The following CNTNAP4 variants were observed in gnomAD, a reference collection of about 807,000 sequenced individuals.
The protein encoded by CNTNAP4 is contactin associated protein family member 4.
In CNTNAP4, 98 loss-of-function variants were observed where a neutral mutation model predicts 148.4. The ratio of observed to expected loss-of-function variants is 0.66; its 90% CI spans 0.56 to 0.78. CNTNAP4 has a LOEUF of 0.78. CNTNAP4 is among the 30% of genes least tolerant of loss of function. The pLI, the probability that CNTNAP4 is intolerant of heterozygous loss-of-function variation, is 0.00. For synonymous variants in CNTNAP4, 730 were observed against 565.1 expected (o/e 1.29, Z -4.14); for missense variants, 1,935 against 1,565.6 (o/e 1.24, Z -3.98).
chr16:76,280,396 G>T (rs1958641877), intron 1 of CNTNAP4, among the ~76,000 whole-genome samples: 1 of 152,080 alleles, frequency 6.6e-6, no homozygotes. Flanking sequence ...GTGCTCATTT[G>T]TATATAGGTA....
intron 21 of CNTNAP4, among the ~76,000 whole-genome samples, chr16:76,544,823 C>A (rs2084637790): frequency 1.3e-5 from 2 of 152,068 alleles, no homozygotes. Context: ...TTTTTTGGGG[C>A]TGCAGAGCCA....
At chr16:76,527,996 T>C (rs955280599) in intron 17 of CNTNAP4, among the ~76,000 whole-genome samples, 6 of 152,178 alleles carry the variant, frequency 3.9e-5, no homozygotes, top group African/African-American at 1.4e-4. Flanking sequence ...TTGTTAAAAA[T>C]GTACCTTCTT....
intron 2 of CNTNAP4, among the ~76,000 whole-genome samples, chr16:76,341,723 T>G (rs1964484051): frequency 6.6e-6 from 1 of 152,052 alleles, no homozygotes. Flanking sequence ...AAAAATAGAT[T>G]TAGTCTTCAG....
chr16:76,525,700 A>C (rs2083698100), intron 17 of CNTNAP4, among the ~76,000 whole-genome samples: 2 of 145,256 alleles, frequency 1.4e-5, no homozygotes, highest in Admixed American at 7.0e-5. Context: ...ATAAACTAAT[A>C]TATATAAACT....
chr16:76,427,690 C>T (rs577075098), intron 4 of CNTNAP4, 91 bp downstream of exon 4: 26 of 1,237,062 alleles, frequency 2.1e-5, no homozygotes, highest in East Asian at 1.3e-4. Context: ...TTTTTAGCTA[C>T]ATAAAGAGGT....
chr16:76,458,315 G>A (rs2080812396), intron 8 of CNTNAP4, among the ~76,000 whole-genome samples: 1 of 152,074 alleles, frequency 6.6e-6, no homozygotes, highest in African/African-American at 2.4e-5. Flanking sequence ...ACCAGGGACT[G>A]TTTTCATGAA....
At chr16:76,341,982 G>C (rs1207977267) in intron 2 of CNTNAP4, among the ~76,000 whole-genome samples, 3 of 152,210 alleles carry the variant, frequency 2.0e-5, no homozygotes, top group Non-Finnish European at 1.5e-5. Flanking sequence ...TTCTGATCTA[G>C]ATGTTTTTGC....
intron 3 of CNTNAP4, among the ~76,000 whole-genome samples, chr16:76,374,194 G>A (rs1431589235): frequency 6.6e-6 from 1 of 152,118 alleles, no homozygotes; most frequent in Non-Finnish European, 1.5e-5. Context: ...AAAAATTGCT[G>A]GAGCAGTGAA....
chr16:76,552,386 C>T (rs917631191), intron 21 of CNTNAP4, among the ~76,000 whole-genome samples: 1 of 152,070 alleles, frequency 6.6e-6, no homozygotes, highest in Non-Finnish European at 1.5e-5. Context: ...TGGATGGATG[C>T]ATTGTATTTT....
intron 3 of CNTNAP4, among the ~76,000 whole-genome samples, chr16:76,394,136 T>C (rs2078118570): frequency 6.6e-6 from 1 of 152,180 alleles, no homozygotes; most frequent in African/African-American, 2.4e-5. Flanking sequence ...ATGTGTATCT[T>C]TAAAAATTCA....
chr16:76,330,805 A>G (rs1191088167), intron 2 of CNTNAP4, among the ~76,000 whole-genome samples: 3 of 152,246 alleles, frequency 2.0e-5, no homozygotes, highest in African/African-American at 7.2e-5. Flanking sequence ...AGTGAAAAAC[A>G]GTAAGAAATA....
rs757651754 is a variant in CNTNAP4 at position 76,540,720 on chromosome 16, G to C, written c.3372G>C (p.Arg1124Ser). 1.3e-6 allele frequency: 2 copies of C among 1,570,686 alleles called. No homozygotes were observed. Among genetic ancestry groups the C allele is most frequent in the African/African-American group, 2.7e-5 (2 of 74,090 alleles). The change falls in exon 21 of 24, where the codon AGG (arginine) becomes AGC (serine). Residue 1124 changes from arginine (R) to serine (S), a missense_variant. Coordinates refer to ENST00000611870, the MANE Select transcript of CNTNAP4 (RefSeq NM_033401.5). The stretch of plus-strand genomic sequence containing the variant: ...TTTTGTAGATTGACGATAATAGAAG[G>C]AGACAAGTTCACCTGTCATCAGGCA... ...VVFIEIDDNR[R>S]RQVHLSSGTE...
chr16:76,317,744 G>C (rs1175078318), intron 2 of CNTNAP4, among the ~76,000 whole-genome samples: 2 of 151,806 alleles, frequency 1.3e-5, no homozygotes, highest in Non-Finnish European at 1.5e-5. Context: ...TGTGTATTTT[G>C]CCATCTGGTA....
intron 3 of CNTNAP4, among the ~76,000 whole-genome samples, chr16:76,411,228 A>G (rs1266261085): frequency 6.6e-6 from 1 of 151,422 alleles, no homozygotes; most frequent in African/African-American, 2.4e-5. Flanking sequence ...CTGCTTAGAA[A>G]TGTTGGTTGA....
intron 11 of CNTNAP4, 116 bp from the exon 12 acceptor site, chr16:76,479,303 C>T: frequency 1.2e-6 from 1 of 823,816 alleles, no homozygotes; most frequent in Non-Finnish European, 1.7e-6. Context: ...TTTGCCTTTT[C>T]TCCTGGTCAG....
At chr16:76,337,086 A>C (rs1451799972) in intron 2 of CNTNAP4, among the ~76,000 whole-genome samples, 1 of 152,240 alleles carries the variant, frequency 6.6e-6, no homozygotes, top group African/African-American at 2.4e-5. Context: ...CATGAATATT[A>C]GTAGTGATCT....
chr16:76,391,948 C>T (rs750534719), intron 3 of CNTNAP4, among the ~76,000 whole-genome samples: 28 of 152,102 alleles, frequency 1.8e-4, no homozygotes, highest in African/African-American at 6.3e-4. Flanking sequence ...ATAAATAATA[C>T]GATGTATCAA....
chr16:76,442,933 A>C (rs1335548578), intron 4 of CNTNAP4, among the ~76,000 whole-genome samples: 2 of 152,132 alleles, frequency 1.3e-5, no homozygotes, highest in African/African-American at 4.8e-5. Context: ...TGCCTTAACT[A>C]CTATGCCAAC....
intron 15 of CNTNAP4, among the ~76,000 whole-genome samples, chr16:76,515,630 C>G (rs932019463): frequency 6.6e-6 from 1 of 152,104 alleles, no homozygotes; most frequent in African/African-American, 2.4e-5. Context: ...TTATGGCAGC[C>G]TGGGCAGACT....
Sources: gnomAD v4.1 joint callset for allele counts (sites outside exome capture counted in the v4.1 genomes callset) on GRCh38, gnomAD v4.1.1 for gene constraint, MANE v1.5 for transcripts, NCBI Gene and HGNC (gene_info 2026-07-23, HGNC 2026-07-21) for gene names.